The following PPM1L variants were observed in gnomAD, a reference collection of about 807,000 sequenced individuals.
The protein encoded by PPM1L is protein phosphatase, Mg2+/Mn2+ dependent 1L, also known as protein phosphatase 1L.
PPM1L carries 13 observed loss-of-function variants against 31.4 expected under a neutral mutation model. That is an observed-to-expected ratio of 0.41 (90% CI 0.27 to 0.66). PPM1L has a LOEUF of 0.66. Ranked by LOEUF, PPM1L falls within the 30% of genes least tolerant of loss-of-function variation. The pLI is 0.29. For missense variants in PPM1L, 326 were observed against 453.7 expected (o/e 0.72, Z 2.56); for synonymous variants, 184 against 175.4 (o/e 1.05, Z -0.39).
intron 2 of PPM1L, among the ~76,000 whole-genome samples, chr3:161,031,577 T>C (rs891513623): frequency 2.7e-5 from 4 of 148,912 alleles, no homozygotes; most frequent in African/African-American, 1.0e-4. Flanking sequence ...CATAGCTCAC[T>C]GCAGCCTCAA....
intron 2 of PPM1L, among the ~76,000 whole-genome samples, chr3:160,984,016 TA>T (rs1716885538): frequency 6.6e-6 from 1 of 152,198 alleles, no homozygotes; most frequent in African/African-American, 2.4e-5. Context: ...CTAGAATCAC[TA>T]ATGAACTTCC....
At chr3:160,759,765 T>C (rs1013712472) in intron 1 of PPM1L, among the ~76,000 whole-genome samples, 1 of 152,196 alleles carries the variant, frequency 6.6e-6, no homozygotes, top group Admixed American at 6.5e-5. Context: ...TATTGTTTAC[T>C]TCAAGATTAG....
chr3:160,891,601 G>T (rs1713145874), intron 1 of PPM1L, among the ~76,000 whole-genome samples: 1 of 152,092 alleles, frequency 6.6e-6, no homozygotes. Flanking sequence ...ATTCCTCAAG[G>T]ATCTAGAACC....
intron 2 of PPM1L, among the ~76,000 whole-genome samples, chr3:161,061,594 A>G (rs1011763272): frequency 2.6e-5 from 4 of 152,230 alleles, no homozygotes; most frequent in African/African-American, 9.6e-5. Context: ...CATCATACAA[A>G]TTAAAAAACA....
chr3:160,910,277 C>CTTTCCCCTTCCCCTTCCCCTTCCCT (rs1198892679), intron 1 of PPM1L, among the ~76,000 whole-genome samples: 2 of 121,390 alleles, frequency 1.6e-5, no homozygotes, highest in African/African-American at 8.2e-5. Flanking sequence ...TCCCCTTCCC[C>CTTTCCCCTTCCCCTTCCCCTTCCCT]TTCCCTTTCC....
At chr3:160,895,372 C>T (rs1376424569) in intron 1 of PPM1L, among the ~76,000 whole-genome samples, 3 of 130,406 alleles carry the variant, frequency 2.3e-5, no homozygotes, top group Non-Finnish European at 5.5e-5. Flanking sequence ...ACCACTGTGC[C>T]TGGCTAATTT....
intron 1 of PPM1L, among the ~76,000 whole-genome samples, chr3:160,939,078 A>G (rs563404975): frequency 1.3e-5 from 2 of 152,358 alleles, no homozygotes; most frequent in South Asian, 2.1e-4. Context: ...AAGATAATGC[A>G]TTTATGCACT....
Position 160,961,881 on chromosome 3 carries a change from A to G in PPM1L, c.545A>G (p.Glu182Gly). ...TTGTCAATTGACCGAGAAATGCTAG[A>G]AAAATTGACTGTATCCTATGATGAA... ...QILSIDREML[E>G]KLTVSYDEAG... is the part of the protein sequence containing the mutation. The change falls in exon 2 of 4, where the codon GAA (glutamate) becomes GGA (glycine). Residue 182 changes from glutamate to glycine, a missense_variant. By Grantham distance (98) the Glu-to-Gly change is moderately conservative. Around this residue, in one of 3 missense-constraint regions of PPM1L, gnomAD observed 201 missense variants for 298.2 expected, o/e 0.67. Coordinates refer to ENST00000498165, the MANE Select transcript of PPM1L (RefSeq NM_139245.4). 1 of 1,594,482 alleles carries G rather than the reference A, an allele frequency of 6.3e-7. No homozygotes were observed.
chr3:161,004,948 G>A (rs1351482575), intron 2 of PPM1L, among the ~76,000 whole-genome samples: 3 of 151,960 alleles, frequency 2.0e-5, no homozygotes, highest in Non-Finnish European at 4.4e-5. Flanking sequence ...GTCAATTTTG[G>A]GTCTTTCCTG....
intron 2 of PPM1L, among the ~76,000 whole-genome samples, chr3:161,029,688 G>T (rs1718505416): frequency 6.6e-6 from 1 of 152,006 alleles, no homozygotes; most frequent in Non-Finnish European, 1.5e-5. Context: ...ACCCCCAGGA[G>T]CTCATTTTTA....
intron 2 of PPM1L, among the ~76,000 whole-genome samples, chr3:161,046,520 G>T (rs1475325182): frequency 6.6e-6 from 1 of 152,130 alleles, no homozygotes; most frequent in Non-Finnish European, 1.5e-5. Context: ...ACAAGGAGGA[G>T]CTGGTACCAT....
At chr3:160,854,536 T>C (rs2108115593) in intron 1 of PPM1L, among the ~76,000 whole-genome samples, 2 of 152,204 alleles carry the variant, frequency 1.3e-5, no homozygotes, top group East Asian at 3.9e-4. Flanking sequence ...GTAGCATTTC[T>C]ATATACCAAC....
chr3:160,782,041 T>C (rs1213066360), intron 1 of PPM1L, among the ~76,000 whole-genome samples: 1 of 152,208 alleles, frequency 6.6e-6, no homozygotes, highest in Non-Finnish European at 1.5e-5. Context: ...TTAAAGTGTA[T>C]GACTCACTGG....
chr3:160,937,535 G>A (rs1349779993), intron 1 of PPM1L, among the ~76,000 whole-genome samples: 2 of 152,242 alleles, frequency 1.3e-5, no homozygotes, highest in Non-Finnish European at 1.5e-5. Context: ...CAGGAGAATG[G>A]CATGAACCCA....
intron 1 of PPM1L, among the ~76,000 whole-genome samples, chr3:160,838,642 A>G (rs1282337725): frequency 6.6e-6 from 1 of 152,176 alleles, no homozygotes; most frequent in Non-Finnish European, 1.5e-5. Context: ...TGGACTTTTT[A>G]AAAACCTCTT....
intron 1 of PPM1L, among the ~76,000 whole-genome samples, chr3:160,762,969 C>T (rs372867781): frequency 1.3e-5 from 2 of 152,202 alleles, no homozygotes; most frequent in African/African-American, 4.8e-5. Flanking sequence ...AAAGAAACTT[C>T]ATATCAGCAC....
chr3:160,965,339 A>G (rs1395620359), intron 2 of PPM1L, among the ~76,000 whole-genome samples: 2 of 152,130 alleles, frequency 1.3e-5, no homozygotes, highest in African/African-American at 4.8e-5. Flanking sequence ...CAGATGGTTT[A>G]ATTTAGTACT....
At chr3:161,063,161 T>C (rs1470435576) in intron 2 of PPM1L, among the ~76,000 whole-genome samples, 1 of 152,146 alleles carries the variant, frequency 6.6e-6, no homozygotes, top group Non-Finnish European at 1.5e-5. Flanking sequence ...TTCAATCAGA[T>C]GTTTGGGGAC....
chr3:161,038,065 C>G (rs1458923502), intron 2 of PPM1L, among the ~76,000 whole-genome samples: 1 of 151,536 alleles, frequency 6.6e-6, no homozygotes, highest in Non-Finnish European at 1.5e-5. Flanking sequence ...AACCCCGTCT[C>G]TACTAAAAAA....
Sources: allele counts gnomAD v4.1 joint callset (sites outside exome capture counted in the v4.1 genomes callset), GRCh38; gene constraint gnomAD v4.1.1; regional missense constraint gnomAD v4.1.1; transcripts MANE v1.5; gene names NCBI Gene and HGNC (gene_info 2026-07-23, HGNC 2026-07-21).